ANXA2: variants seen among roughly 807,000 people sequenced by gnomAD.
ANXA2 encodes the protein annexin A2, also known as annexin II.
A neutral mutation model predicts 47.3 loss-of-function variants in ANXA2; 28 were observed. That is an observed-to-expected ratio of 0.59 (90% confidence interval 0.44 to 0.81). The LOEUF (loss-of-function observed/expected upper bound fraction) is 0.81, where lower values mean the gene tolerates loss of function less well. ANXA2 is among the 40% of genes least tolerant of loss of function. The pLI is 0.00. For synonymous variants in ANXA2, 172 were observed against 155.5 expected, an observed-to-expected ratio of 1.11 and a Z score of -0.79; for missense variants, 384 against 414.3, an observed-to-expected ratio of 0.93 and a Z score of 0.64.
chr15:60,373,581 A>G (rs1234810007), intron 3 of ANXA2, among the ~76,000 whole-genome samples: 1 of 152,188 alleles, frequency 6.6e-6, no homozygotes, highest in African/African-American at 2.4e-5. Flanking sequence ...TCAAGACAGG[A>G]CACCCAGCAG....
chr15:60,375,184 A>T (rs1030594808), intron 3 of ANXA2, among the ~76,000 whole-genome samples: 6 of 152,204 alleles, frequency 3.9e-5, no homozygotes, highest in African/African-American at 1.4e-4. Context: ...AGAAAAAAAT[A>T]AGTGCAAAAC....
intron 3 of ANXA2, among the ~76,000 whole-genome samples, chr15:60,382,059 A>AG (rs368097720): frequency 0.047 from 556 of 11,796 alleles, 6 homozygotes; most frequent in African/African-American, 0.12. Flanking sequence ...GAGGGGAGGG[A>AG]GGGAGGGAGG....
intron 3 of ANXA2, among the ~76,000 whole-genome samples, chr15:60,367,282 C>T (rs1380710622): frequency 3.8e-5 from 5 of 132,430 alleles, no homozygotes; most frequent in Admixed American, 7.1e-5. Flanking sequence ...GATCAGCCCC[C>T]CGCCCGGCCA....
At chr15:60,388,837 A>C (rs1167353597) in intron 1 of ANXA2, among the ~76,000 whole-genome samples, 1 of 147,488 alleles carries the variant, frequency 6.8e-6, no homozygotes, top group Non-Finnish European at 1.5e-5. Flanking sequence ...GATCTCCAGG[A>C]CTCAAGAGAT....
intron 3 of ANXA2, among the ~76,000 whole-genome samples, chr15:60,373,304 A>G (rs1042533508): frequency 7.2e-5 from 11 of 152,362 alleles, no homozygotes; most frequent in Admixed American, 2.0e-4. Flanking sequence ...GGTTTTCTTC[A>G]GCAGAAAGAG....
rs749184513 is a variant in ANXA2, at chr15:60,352,406, C to T, written c.659G>A (p.Arg220Gln). The change falls in exon 9 of 13, where the codon CGG becomes CAG. Residue 220 changes from arginine (R) to glutamine (Q), a missense_variant. Physicochemically the swap from Arg to Gln is conservative, Grantham distance 43 (BLOSUM62 1). Coordinates refer to ENST00000451270, the MANE Select transcript of ANXA2 (RefSeq NM_004039.3). This position sits in a 1 kb window ranked among gnomAD's most constrained non-coding sequence, Gnocchi z 4.2. The part of the protein sequence containing the change: ...VPKWISIMTE[R>Q]SVPHLQKVFD... ...ACCTTTCTGGAGGTGGGGCACGCTC[C>T]GCTCGGTCATGATGCTGATCCACTT... 67 of 1,613,688 alleles carry T rather than the reference C, an allele frequency of 4.2e-5. No homozygotes were observed. The highest frequency in any genetic ancestry group is 8.9e-5 in the East Asian group (4 of 44,868).
chr15:60,356,349 GCA>G (rs141256072), intron 6 of ANXA2, among the ~76,000 whole-genome samples: 2 of 150,656 alleles, frequency 1.3e-5, no homozygotes, highest in Non-Finnish European at 1.5e-5. Context: ...GTCTACACAC[GCA>G]CACACACACA....
At chr15:60,351,488 C>T (rs1032633645) in intron 10 of ANXA2, 1 of 614,654 alleles carries the variant, frequency 1.6e-6, no homozygotes, top group Non-Finnish European at 2.9e-6. Context: ...CGTGAGTTTC[C>T]ACAACACACC....
In ANXA2 at chr15:60,349,099, G is replaced by C. The variant is rs1455339708; in HGVS notation, c.936C>G (p.Gly312=). 1.2e-6 allele frequency: 2 copies of C among 1,613,982 alleles called. No individual in the cohort carries two copies. Among genetic ancestry groups the C allele is most frequent in the Non-Finnish European group, 1.7e-6 (2 of 1,180,008 alleles). ...CCTGGATATAATAGTACAGGGACTT[G>C]CCGTACTTTCTCTTGAATTCAGACC... The part of the protein sequence containing the change: ...KIRSEFKRKY[G]KSLYYYIQQD... Residue 312 remains glycine (G), a synonymous_variant, in exon 12 of 13, where the codon GGC becomes GGG. Coordinates refer to ENST00000451270, the MANE Select transcript of ANXA2 (RefSeq NM_004039.3).
At chr15:60,365,130 C>T (rs2062577247) in intron 3 of ANXA2, among the ~76,000 whole-genome samples, 1 of 150,620 alleles carries the variant, frequency 6.6e-6, no homozygotes, top group South Asian at 2.1e-4. Context: ...AATAAACGTT[C>T]CACTGCCTTT....
chr15:60,351,589 A>G (rs1896014296), intron 10 of ANXA2, 135 bp downstream of exon 10: 5 of 688,556 alleles, frequency 7.3e-6, no homozygotes, highest in Non-Finnish European at 1.0e-5. Context: ...AATCTATACA[A>G]TTAAGACTGT....
intron 6 of ANXA2, 140 bp from the exon 7 acceptor site, chr15:60,356,138 C>T (rs116821163): frequency 1.6e-6 from 1 of 639,846 alleles, no homozygotes; most frequent in African/African-American, 1.8e-5. Flanking sequence ...TAACCCCAAA[C>T]AGAGGAAGGA....
intron 3 of ANXA2, among the ~76,000 whole-genome samples, chr15:60,372,940 C>A (rs2062729841): frequency 6.6e-6 from 1 of 152,044 alleles, no homozygotes; most frequent in Non-Finnish European, 1.5e-5. Context: ...CAGACAAGAG[C>A]CACCACACCC....
At chr15:60,381,739 C>T (rs1253064926) in intron 3 of ANXA2, among the ~76,000 whole-genome samples, 3 of 152,050 alleles carry the variant, frequency 2.0e-5, no homozygotes, top group Non-Finnish European at 4.4e-5. Context: ...ATTTTTCACT[C>T]TCTAGATCAA....
At chr15:60,395,052 C>T (rs16942556) in intron 1 of ANXA2, among the ~76,000 whole-genome samples, 4,176 of 152,172 alleles carry the variant, frequency 0.027, 83 homozygotes, top group Non-Finnish European at 0.04. Context: ...TGGAAGGCAG[C>T]TTAAGACACC....
At chr15:60,386,656 C>T (rs955384546) in intron 1 of ANXA2, 2 of 152,382 alleles carry the variant, frequency 1.3e-5, no homozygotes, top group African/African-American at 4.8e-5. Flanking sequence ...ATTTTCTGAC[C>T]TTAACTCATT....
chr15:60,355,653 G>A (rs566554833), intron 7 of ANXA2: 3 of 528,590 alleles, frequency 5.7e-6, no homozygotes, highest in South Asian at 4.0e-5. Flanking sequence ...CAAGGCTCTG[G>A]CACATAAATC....
At chr15:60,375,801 C>T (rs1238542804) in intron 3 of ANXA2, among the ~76,000 whole-genome samples, 3 of 152,148 alleles carry the variant, frequency 2.0e-5, no homozygotes, top group African/African-American at 7.2e-5. Flanking sequence ...TGCTTCTCCC[C>T]CCTTCTCATA....
intron 3 of ANXA2, among the ~76,000 whole-genome samples, chr15:60,382,129 G>A (rs144406511): frequency 2.0e-5 from 3 of 151,126 alleles, no homozygotes; most frequent in Non-Finnish European, 4.4e-5. Flanking sequence ...AAGGAAGAAA[G>A]GGAGAAGGGA....
Sources: gnomAD v4.1 joint callset for allele counts (sites outside exome capture counted in the v4.1 genomes callset) on GRCh38, gnomAD v4.1.1 for gene constraint, Gnocchi (gnomAD v3.1) non-coding constraint, MANE v1.5 for transcripts, NCBI Gene and HGNC (gene_info 2026-07-23, HGNC 2026-07-21) for gene names.